ATF2: variants seen among roughly 807,000 people sequenced by gnomAD.
ATF2 encodes the protein activating transcription factor 2, also known as cyclic AMP-dependent transcription factor ATF-2.
Under a neutral mutation model 60.6 loss-of-function variants are expected in ATF2, and 24 were observed. The observed-to-expected ratio is 0.40, with a 90% CI of 0.29 to 0.56. ATF2 has a LOEUF of 0.56. ATF2 is among the 20% of genes least tolerant of loss of function. The pLI is 0.54. For missense variants in ATF2, 433 were observed against 607.7 expected (o/e 0.71, Z 3.02); for synonymous variants, 206 against 215.4 (o/e 0.96, Z 0.38).
At chr2:175,143,217 T>C (rs189383858) in intron 2 of ATF2, among the ~76,000 whole-genome samples, 272 of 152,258 alleles carry the variant, frequency 1.8e-3, no homozygotes, top group Non-Finnish European at 3.3e-3. Context: ...TCAGAGTACA[T>C]AGTCTAGTCT....
chr2:175,122,617 C>A (rs558579605), intron 4 of ATF2, among the ~76,000 whole-genome samples: 1 of 152,092 alleles, frequency 6.6e-6, no homozygotes, highest in South Asian at 2.1e-4. Context: ...AACATTTTAA[C>A]ATCTTTGGCC....
intron 12 of ATF2, among the ~76,000 whole-genome samples, chr2:175,087,562 C>A (rs1694253273): frequency 6.6e-6 from 1 of 152,116 alleles, no homozygotes; most frequent in South Asian, 2.1e-4. Context: ...CCATGAATAT[C>A]AGGTATTCCC....
intron 8 of ATF2, 160 bp from the exon 9 acceptor site, chr2:175,114,268 C>T: frequency 7.2e-7 from 1 of 1,391,570 alleles, no homozygotes; most frequent in Non-Finnish European, 9.3e-7. Flanking sequence ...TTAATTGCAT[C>T]TTAAATGCAT....
intron 1 of ATF2, among the ~76,000 whole-genome samples, chr2:175,161,604 G>A (rs933696183): frequency 2.0e-5 from 3 of 151,994 alleles, no homozygotes; most frequent in Non-Finnish European, 2.9e-5. Flanking sequence ...TATGTGCCAG[G>A]GACAAAACTC....
chr2:175,111,783 A>C (rs1696209291), intron 9 of ATF2, 129 bp from the exon 10 acceptor site: 1 of 763,270 alleles, frequency 1.3e-6, no homozygotes, highest in African/African-American at 1.8e-5. Flanking sequence ...AGCTGATTTT[A>C]TCTCTATACC....
intron 4 of ATF2, among the ~76,000 whole-genome samples, chr2:175,122,289 T>C (rs1397828773): frequency 6.6e-6 from 1 of 152,046 alleles, no homozygotes; most frequent in African/African-American, 2.4e-5. Context: ...ACATAATAAA[T>C]GCATTATCTC....
At chr2:175,081,179 T>TA (rs1693732515) in intron 12 of ATF2, among the ~76,000 whole-genome samples, 7 of 152,178 alleles carry the variant, frequency 4.6e-5, no homozygotes, top group African/African-American at 1.7e-4. Flanking sequence ...TCCTAGAAAT[T>TA]CAAATAAGCA....
At chr2:175,088,712 G>A (rs549555837) in intron 12 of ATF2, among the ~76,000 whole-genome samples, 1 of 152,114 alleles carries the variant, frequency 6.6e-6, no homozygotes, top group Non-Finnish European at 1.5e-5. Flanking sequence ...TAACTGTTAA[G>A]CAGCTACTGT....
intron 2 of ATF2, among the ~76,000 whole-genome samples, chr2:175,144,111 A>T (rs544288393): frequency 5.9e-4 from 89 of 151,968 alleles, no homozygotes; most frequent in Middle Eastern, 3.4e-3. Context: ...CATTTTTTTT[A>T]AAAAAAAATG....
intron 2 of ATF2, among the ~76,000 whole-genome samples, chr2:175,137,701 A>G (rs1698234774): frequency 6.6e-6 from 1 of 152,128 alleles, no homozygotes; most frequent in Non-Finnish European, 1.5e-5. Context: ...AGAGGGAGTT[A>G]GCCCTTGGTA....
At chr2:175,158,563 T>C (rs1369998944) in intron 1 of ATF2, among the ~76,000 whole-genome samples, 1 of 152,116 alleles carries the variant, frequency 6.6e-6, no homozygotes, top group Non-Finnish European at 1.5e-5. Context: ...TTCCTGATCC[T>C]ACGGCAAGAA....
chr2:175,109,195 A>G (rs1463032406), intron 10 of ATF2, among the ~76,000 whole-genome samples: 1 of 132,344 alleles, frequency 7.6e-6, no homozygotes, highest in Non-Finnish European at 1.6e-5. Context: ...AAAAAAAAAG[A>G]CTGTGTATGG....
In ATF2 at chr2:175,108,442, A is replaced by C. The variant is rs757514513; in HGVS notation, c.828+3126T>G. Among the ~76,000 whole-genome samples, 427 of 104,958 alleles carry C rather than the reference A, an allele frequency of 4.1e-3. 3 individuals carry two copies. The highest frequency in any genetic ancestry group is 0.01 in the African/African-American group (271 of 26,864). The allele number at this position is 104,958 out of a possible 152,430, so 68.9% of individuals were successfully genotyped here. On this transcript the variant is annotated intron_variant, in intron 10 of 13. Coordinates refer to ENST00000264110, the MANE Select transcript of ATF2 (RefSeq NM_001880.4). ...GGGGGTCAGCCCCCGCCCGGCCAGC[A>C]GCCCCGTCCGGGAGGGAGGTGGGGG...
intron 1 of ATF2, among the ~76,000 whole-genome samples, chr2:175,153,700 G>T (rs1157138926): frequency 2.6e-5 from 4 of 151,730 alleles, no homozygotes; most frequent in African/African-American, 9.7e-5. Flanking sequence ...CATGGTGGCG[G>T]ATGCCTGTAG....
Position 175,074,686 on chromosome 2 carries a change from C to A in ATF2, c.1441G>T (p.Ala481Ser). The A allele has an allele frequency of 6.2e-7, 1 of 1,613,382 alleles. No homozygotes were observed. The highest frequency in any genetic ancestry group is 8.5e-7 in the Non-Finnish European group (1 of 1,179,688). The change falls in exon 14 of 14, where the codon GCG (alanine) becomes TCG (serine). Residue 481 changes from alanine (A) to serine (S), a missense_variant. Coordinates refer to ENST00000264110, the MANE Select transcript of ATF2 (RefSeq NM_001880.4). ...AGAGCAGGCTCTGTACTCTGGTCCG[C>A]CATCTGGGTGAGGACTGAAGTGGCT... The part of the protein sequence containing the change: ...AVATSVLTQM[A>S]DQSTEPALSQ...
chr2:175,143,923 A>G (rs1478536102), intron 2 of ATF2, among the ~76,000 whole-genome samples: 1 of 152,020 alleles, frequency 6.6e-6, no homozygotes, highest in Non-Finnish European at 1.5e-5. Context: ...CCTCGCAAAT[A>G]GCTGGAACCA....
At chr2:175,117,486 A>T (rs1005308500) in intron 7 of ATF2, among the ~76,000 whole-genome samples, 11 of 152,094 alleles carry the variant, frequency 7.2e-5, no homozygotes, top group South Asian at 4.1e-4. Flanking sequence ...AGAAGTTCCC[A>T]TAATAATGTT....
intron 2 of ATF2, among the ~76,000 whole-genome samples, chr2:175,137,926 A>G (rs1698246998): frequency 6.6e-6 from 1 of 152,146 alleles, no homozygotes; most frequent in South Asian, 2.1e-4. Flanking sequence ...CTTAAATGCT[A>G]TCTCTTTGTT....
At chr2:175,143,800 G>A (rs1369275263) in intron 2 of ATF2, among the ~76,000 whole-genome samples, 4 of 151,940 alleles carry the variant, frequency 2.6e-5, no homozygotes, top group Non-Finnish European at 4.4e-5. Flanking sequence ...CCCAGCCCCC[G>A]CCTTTTTTTC....
Sources: gnomAD v4.1 joint callset for allele counts (sites outside exome capture counted in the v4.1 genomes callset) on GRCh38, gnomAD v4.1.1 for gene constraint, MANE v1.5 for transcripts, NCBI Gene and HGNC (gene_info 2026-07-23, HGNC 2026-07-21) for gene names.